The following DGKB variants were observed in gnomAD, a reference collection of about 807,000 sequenced individuals.
DGKB encodes diacylglycerol kinase beta.
In DGKB, 67 loss-of-function variants were observed where a neutral mutation model predicts 114.3. That is an observed-to-expected ratio of 0.59 (90% CI 0.48 to 0.72). The LOEUF (loss-of-function observed/expected upper bound fraction) is 0.72, where lower values mean the gene tolerates loss of function less well. Among genes scored for constraint, DGKB ranks in the 30% least tolerant of loss-of-function variants. The pLI is 0.00. For synonymous variants in DGKB, 398 were observed against 323.1 expected (o/e 1.23, Z -2.49); for missense variants, 907 against 975.2 (o/e 0.93, Z 0.93).
intron 1 of DGKB, among the ~76,000 whole-genome samples, chr7:14,899,902 T>A (rs575890449): frequency 1.9e-4 from 29 of 152,268 alleles, no homozygotes; most frequent in African/African-American, 6.7e-4. Flanking sequence ...TTAGAGTTAG[T>A]CACATCGAGT....
intron 1 of DGKB, among the ~76,000 whole-genome samples, chr7:14,851,893 T>C (rs1239069934): frequency 1.3e-5 from 2 of 152,146 alleles, no homozygotes; most frequent in East Asian, 3.9e-4. Context: ...CGCCTTCAGA[T>C]GATTGCAGCC....
chr7:14,480,360 C>T (rs1231946121), intron 20 of DGKB, among the ~76,000 whole-genome samples: 1 of 151,962 alleles, frequency 6.6e-6, no homozygotes, highest in East Asian at 1.9e-4. Flanking sequence ...TGAATAGGTT[C>T]CACCATAAAA....
rs180744273 is a variant in DGKB, at chr7:14,620,429, C to T, written c.1284+949G>A. Among the ~76,000 whole-genome samples, 306 of 150,936 alleles carry T rather than the reference C, an allele frequency of 2.0e-3. 7 individuals are homozygous for T. The East Asian group carries it at 0.048, about 24-fold the overall frequency. On this transcript the variant is annotated intron_variant, in intron 15 of 25. Coordinates refer to ENST00000402815, the MANE Select transcript of DGKB (RefSeq NM_001350709.2). ...TTCTCTGTGCCCTGAACTGTGCTCT[C>T]ATATTGAAAAAATACAAAAGACATA...
At chr7:14,536,743 G>T (rs1792563981) in intron 20 of DGKB, among the ~76,000 whole-genome samples, 1 of 151,992 alleles carries the variant, frequency 6.6e-6, no homozygotes, top group Non-Finnish European at 1.5e-5. Flanking sequence ...AATGCTGAAA[G>T]CTTTTCCTCT....
intron 18 of DGKB, among the ~76,000 whole-genome samples, chr7:14,581,169 A>G (rs73680455): frequency 3.2e-3 from 481 of 152,300 alleles, no homozygotes; most frequent in African/African-American, 0.01. Context: ...TCACGGAATG[A>G]TGGAATTTTC....
intron 20 of DGKB, among the ~76,000 whole-genome samples, chr7:14,505,194 C>T (rs1786840037): frequency 6.6e-6 from 1 of 152,182 alleles, no homozygotes; most frequent in East Asian, 1.9e-4. Flanking sequence ...GTGGCTTACA[C>T]CTGTAATCCT....
chr7:14,823,865 A>G (rs61472959), intron 2 of DGKB, among the ~76,000 whole-genome samples: 1,884 of 152,242 alleles, frequency 0.012, 42 homozygotes, highest in African/African-American at 0.042. Flanking sequence ...ATCACCATTG[A>G]CTTTTCTTTT....
intron 9 of DGKB, among the ~76,000 whole-genome samples, chr7:14,689,676 C>A (rs921155534): frequency 2.6e-5 from 4 of 152,096 alleles, no homozygotes; most frequent in Non-Finnish European, 5.9e-5. Context: ...ATGACACAAT[C>A]TGGAATCTCA....
At chr7:14,555,042 G>A (rs1275622557) in intron 20 of DGKB, among the ~76,000 whole-genome samples, 1 of 152,096 alleles carries the variant, frequency 6.6e-6, no homozygotes, top group Non-Finnish European at 1.5e-5. Flanking sequence ...TGTTCCGGAT[G>A]ATAGCAATTT....
In DGKB at chr7:14,767,796, G is replaced by A. The variant is rs144597827; in HGVS notation, c.71-10065C>T. On this transcript the variant is annotated intron_variant, in intron 2 of 25. Transcript: ENST00000402815. ...AAGTATGAGTTACATTTTTGAATGTGTACATTAAAAATATTTAAACCCACG... is the reference window on the plus strand; with the variant it reads ...AAGTATGAGTTACATTTTTGAATGTATACATTAAAAATATTTAAACCCACG... Among the ~76,000 whole-genome samples the A allele has an allele frequency of 3.6e-3, 548 of 151,958 alleles. 2 individuals are homozygous for A. The highest frequency in any genetic ancestry group is 0.012 in the African/African-American group (512 of 41,502).
chr7:14,441,773 C>G (rs1830121272), intron 21 of DGKB, among the ~76,000 whole-genome samples: 1 of 151,882 alleles, frequency 6.6e-6, no homozygotes, highest in Non-Finnish European at 1.5e-5. Context: ...GTTTTTTGCT[C>G]TCTTATCAAC....
At chr7:14,955,063 G>A (rs150285568) in intron 1 of DGKB, among the ~76,000 whole-genome samples, 40 of 152,156 alleles carry the variant, frequency 2.6e-4, no homozygotes, top group Admixed American at 2.6e-4. Context: ...CCAGCTGACT[G>A]TAGGGTTGTG....
intron 14 of DGKB, 128 bp downstream of exon 14, chr7:14,630,108 G>C (rs980566299): frequency 2.1e-5 from 11 of 524,392 alleles, no homozygotes; most frequent in Non-Finnish European, 3.2e-5. Context: ...AGCAGAATAT[G>C]AAAAAAATAA....
intron 21 of DGKB, among the ~76,000 whole-genome samples, chr7:14,416,044 T>A (rs1825684244): frequency 6.6e-6 from 1 of 152,152 alleles, no homozygotes; most frequent in Admixed American, 6.6e-5. Flanking sequence ...TTTTTTCATG[T>A]GTTTTTTGGC....
At chr7:14,480,056 AGG>A (rs1370228230) in intron 20 of DGKB, among the ~76,000 whole-genome samples, 1 of 151,984 alleles carries the variant, frequency 6.6e-6, no homozygotes, top group Non-Finnish European at 1.5e-5. Context: ...TTTTTTTTAC[AGG>A]TGTATATTTT....
rs149073414 is a variant in DGKB, at chr7:14,224,991, A to G, written c.2123-46840T>C. On this transcript the variant is annotated intron_variant, in intron 23 of 25. Transcript: ENST00000402815. The stretch of plus-strand genomic sequence containing the variant: ...AGATATGTTTTGAAGTTAGGAGGAC[A>G]CTTCCTAGTTGCCTCTATTCGTGGT... 6.3e-3 allele frequency among the ~76,000 whole-genome samples: 951 copies of G among 152,110 alleles called. 12 individuals are homozygous for G. The highest frequency in any genetic ancestry group is 0.022 in the African/African-American group (917 of 41,526).
intron 21 of DGKB, among the ~76,000 whole-genome samples, chr7:14,406,100 G>T (rs1265504132): frequency 3.3e-5 from 5 of 152,038 alleles, no homozygotes; most frequent in Admixed American, 3.3e-4. Flanking sequence ...GCCATTATTA[G>T]AGATGCTGCC....
intron 23 of DGKB, among the ~76,000 whole-genome samples, chr7:14,217,262 A>G (rs951275178): frequency 2.6e-5 from 4 of 152,238 alleles, no homozygotes; most frequent in Non-Finnish European, 4.4e-5. Context: ...TTTTTCAGTA[A>G]TACTTTTTAT....
chr7:14,423,019 G>A (rs1583826311), intron 21 of DGKB, among the ~76,000 whole-genome samples: 1 of 151,898 alleles, frequency 6.6e-6, no homozygotes, highest in East Asian at 1.9e-4. Context: ...GCAGTGCTGG[G>A]ACTCAAATTA....
Sources: allele counts gnomAD v4.1 joint callset (sites outside exome capture counted in the v4.1 genomes callset), GRCh38; gene constraint gnomAD v4.1.1; transcripts MANE v1.5; gene names NCBI Gene and HGNC (gene_info 2026-07-23, HGNC 2026-07-21).